ATP13A3: variants seen among roughly 807,000 people sequenced by gnomAD.
ATP13A3 encodes polyamine-transporting ATPase 13A3.
In ATP13A3, 59 loss-of-function variants were observed where a neutral mutation model predicts 158.1. The observed-to-expected ratio is 0.37, with a 90% CI of 0.30 to 0.46. The LOEUF is 0.46. ATP13A3 is among the 20% of genes least tolerant of loss of function. The pLI is 1.00. For missense variants in ATP13A3, 1,166 were observed against 1,525.2 expected, an observed-to-expected ratio of 0.76 and a Z score of 3.92; for synonymous variants, 491 against 504.3, an observed-to-expected ratio of 0.97 and a Z score of 0.35.
At chr3:194,487,238 T>G (rs1030586629), upstream of ATP13A3, among the ~76,000 whole-genome samples, 7 of 152,202 alleles carry the variant, frequency 4.6e-5, no homozygotes, top group African/African-American at 1.7e-4. Flanking sequence ...GGAGGGCGGC[T>G]TTTCTGGTGG....
chr3:194,417,005 G>C (rs997659787), intron 31 of ATP13A3, among the ~76,000 whole-genome samples: 12 of 152,064 alleles, frequency 7.9e-5, no homozygotes, highest in African/African-American at 2.9e-4. Context: ...AAAGACATTA[G>C]GTCAAAAAGA....
intron 33 of ATP13A3, 107 bp downstream of exon 33, chr3:194,412,092 C>T: frequency 4.6e-6 from 4 of 878,982 alleles, no homozygotes; most frequent in Non-Finnish European, 7.1e-6. Context: ...CAAGAACACG[C>T]TAGAGAATAA....
upstream of ATP13A3, chr3:194,488,619 C>G (rs1053789761): frequency 6.6e-6 from 1 of 152,408 alleles, no homozygotes; most frequent in Non-Finnish European, 1.5e-5. The surrounding 1 kb of genome is among the most constrained non-coding windows in gnomAD (Gnocchi z 4.1). Flanking sequence ...GGCCTTATCT[C>G]TCTGGTTCTT....
At chr3:194,406,152 C>T in intron 33 of ATP13A3, 36 bp from the exon 34 acceptor site, 1 of 1,604,206 alleles carries the variant, frequency 6.2e-7, no homozygotes, top group Non-Finnish European at 8.5e-7. Flanking sequence ...CAAAACACCC[C>T]AGTTGATTAA....
chr3:194,415,862 A>G (rs1049446069), intron 31 of ATP13A3, among the ~76,000 whole-genome samples: 1 of 151,972 alleles, frequency 6.6e-6, no homozygotes, highest in Non-Finnish European at 1.5e-5. Flanking sequence ...CAAATTACTA[A>G]AAAGTCCCTG....
At chr3:194,407,412 A>C (rs922184782) in intron 33 of ATP13A3, among the ~76,000 whole-genome samples, 1 of 152,220 alleles carries the variant, frequency 6.6e-6, no homozygotes, top group African/African-American at 2.4e-5. Context: ...CATGTTTCTA[A>C]ATTGGCCAAT....
chr3:194,459,417 T>C, intron 6 of ATP13A3, 54 bp downstream of exon 6: 2 of 1,229,378 alleles, frequency 1.6e-6, no homozygotes, highest in Non-Finnish European at 2.4e-6. Context: ...CTTTTCTATC[T>C]AGAACGTTTT....
Position 194,410,000 on chromosome 3 carries a change from G to C in ATP13A3, c.3573+2199C>G, listed in dbSNP as rs544450998. ...GTAAGTTTTTAAGTCTTTAAAAAAT[G>C]CACCTTAATCATGACCACAGAAACG... On this transcript the variant is annotated intron_variant, in intron 33 of 33. Transcript: ENST00000645319. 3.3e-5 allele frequency among the ~76,000 whole-genome samples: 5 copies of C among 151,842 alleles called. No individual in the cohort carries two copies. In the South Asian group the frequency reaches 1.0e-3, roughly 32 times the overall value.
intron 15 of ATP13A3, among the ~76,000 whole-genome samples, chr3:194,443,900 C>A (rs1364382685): frequency 2.0e-5 from 3 of 152,080 alleles, no homozygotes; most frequent in African/African-American, 7.2e-5. Context: ...GACTTCCCAA[C>A]AGAAAAATGA....
chr3:194,441,869 A>T lies in ATP13A3; in HGVS notation c.1560-408T>A, dbSNP rs573634746. On this transcript the variant is annotated intron_variant, in intron 15 of 33. Transcript: ENST00000645319. ...TGAGAAAAAATTCACCCACAGACCT[A>T]AAGGCATTAATTATGAATAAGCTTG... Among the ~76,000 whole-genome samples, 4 of 152,332 alleles carry T rather than the reference A, an allele frequency of 2.6e-5. No homozygotes were observed. The East Asian group carries it at 7.7e-4, about 29-fold the overall frequency.
chr3:194,457,785 C>CTTTTT (rs147162535), intron 6 of ATP13A3, among the ~76,000 whole-genome samples: 2 of 127,914 alleles, frequency 1.6e-5, no homozygotes, highest in African/African-American at 3.0e-5. Context: ...CTTAATTATG[C>CTTTTT]TTTTTTTTTT....
Position 194,431,723 on chromosome 3 carries a change from G to A in ATP13A3, c.2415C>T (p.Asp805=). 1 of 1,569,678 alleles carries A rather than the reference G, an allele frequency of 6.4e-7. No individual in the cohort carries two copies. Among genetic ancestry groups the A allele is most frequent in the Non-Finnish European group, 8.6e-7 (1 of 1,159,612 alleles). The change falls in exon 22 of 34, where the codon GAC becomes GAT. Residue 805 remains aspartate, a synonymous_variant. Coordinates refer to ENST00000645319, the MANE Select transcript of ATP13A3 (RefSeq NM_001367549.1). ...CAGTCGATCTTGACCTTACCTCTGG[G>A]TCAATTGCTGATGGATGACTGCACT... ...LTQCSHPSAI[D]PEAIPVKLVH... is the part of the protein sequence containing the mutation.
intron 21 of ATP13A3, among the ~76,000 whole-genome samples, chr3:194,433,355 T>G (rs1717378617): frequency 6.6e-6 from 1 of 150,916 alleles, no homozygotes. Flanking sequence ...GCCATTCTCC[T>G]GCCTCAGCCT....
Position 194,427,269 on chromosome 3 carries a change from AAG to A in ATP13A3, c.2948-19_2948-18del, listed in dbSNP as rs1380886651. ...TTAAACTCACTATATTGAAAAGAAAAAGAGGAAAGGTTTGTATTTACATTAAT... is the reference window on the plus strand; with the variant it reads ...TTAAACTCACTATATTGAAAAGAAAAAGGAAAGGTTTGTATTTACATTAAT... On this transcript the variant is annotated intron_variant, in intron 28 of 33. Transcript: ENST00000645319. 3 of 1,577,100 alleles carry A rather than the reference AAG, an allele frequency of 1.9e-6. No individual in the cohort carries two copies. In the African/African-American group the frequency reaches 4.1e-5, roughly 22 times the overall value.
At chr3:194,410,294 T>G (rs1420772539) in intron 33 of ATP13A3, among the ~76,000 whole-genome samples, 39 of 5,344 alleles carry the variant, frequency 7.3e-3, no homozygotes, top group African/African-American at 0.011. Flanking sequence ...ACCTCCTCTC[T>G]GCAAAAAAAA....
rs1489947757 is a variant in ATP13A3, at chr3:194,486,772, G to C, written c.-295C>G. ...CGCGGCGGGGCCGGGCCGGCCCTGG[G>C]ACGTCCGCGCTCTCCTCCTCCTCCG... On this transcript the variant is annotated 5_prime_UTR_variant, in exon 1 of 34. Transcript: ENST00000645319. 6.6e-6 allele frequency: 1 copy of C among 151,248 alleles called. No individual in the cohort carries two copies. Among genetic ancestry groups the C allele is most frequent in the East Asian group, 1.9e-4 (1 of 5,158 alleles). The allele number at this position is 151,248 out of a possible 1,614,324, so 9.4% of individuals were successfully genotyped here. A position where few individuals can be genotyped will look rare whatever the true frequency, so the allele number is the denominator to read the frequency against.
chr3:194,492,695 A>T (rs1192531481), intron 2 of ATP13A3, among the ~76,000 whole-genome samples: 1 of 152,128 alleles, frequency 6.6e-6, no homozygotes, highest in East Asian at 1.9e-4. Flanking sequence ...ACCTCAGGTG[A>T]TCCACCTGCT....
chr3:194,464,763 G>A (rs899537090), intron 2 of ATP13A3, among the ~76,000 whole-genome samples: 24 of 152,128 alleles, frequency 1.6e-4, no homozygotes, highest in African/African-American at 5.8e-4. Context: ...AGTCACCGGG[G>A]TCTGTTTTGG....
chr3:194,465,536 C>A (rs774193444), intron 2 of ATP13A3, among the ~76,000 whole-genome samples: 2 of 152,162 alleles, frequency 1.3e-5, no homozygotes, highest in Non-Finnish European at 2.9e-5. Context: ...ATGGAAAACC[C>A]CATTAGCCAC....
Sources: allele counts gnomAD v4.1 joint callset (sites outside exome capture counted in the v4.1 genomes callset), GRCh38; gene constraint gnomAD v4.1.1; non-coding constraint Gnocchi (gnomAD v3.1); transcripts MANE v1.5; gene names NCBI Gene and HGNC (gene_info 2026-07-23, HGNC 2026-07-21).